DNAH17: variants seen among roughly 807,000 people sequenced by gnomAD.
The protein encoded by DNAH17 is axonemal beta dynein heavy chain 17.
DNAH17 carries 376 observed loss-of-function variants against 485.6 expected under a neutral mutation model. The observed-to-expected ratio is 0.77, with a 90% CI of 0.71 to 0.84. The LOEUF is 0.84. Ranked by LOEUF, DNAH17 falls within the 40% of genes least tolerant of loss-of-function variation. The pLI, the probability that DNAH17 is intolerant of heterozygous loss-of-function variation, is 0.00. For synonymous variants in DNAH17, 3,031 were observed against 2,405.9 expected (o/e 1.26, Z -7.60); for missense variants, 6,370 against 5,839.3 (o/e 1.09, Z -2.96).
rs1035588140 is a variant in DNAH17 at position 78,571,576 on chromosome 17, A to G, written c.732+14T>C. 7 of 1,613,124 alleles carry G rather than the reference A, an allele frequency of 4.3e-6. No individual in the cohort carries two copies. Among genetic ancestry groups the G allele is most frequent in the African/African-American group, 1.3e-5 (1 of 74,868 alleles). On this transcript the variant is annotated intron_variant, in intron 4 of 80. Coordinates refer to ENST00000389840, the MANE Select transcript of DNAH17 (RefSeq NM_173628.4). ...GGACGAGGCTGCAGCCCCACAGGAG[A>G]GAGGAGGCCGTACCTGTTCATGGAT...
At chr17:78,492,810 C>G in intron 41 of DNAH17, 45 bp from the exon 42 acceptor site, 1 of 1,590,262 alleles carries the variant, frequency 6.3e-7, no homozygotes, top group Non-Finnish European at 8.6e-7. Context: ...ATGTTCCTGG[C>G]ACATCCTGCC....
chr17:78,553,133 G>A (rs911897127), intron 14 of DNAH17, among the ~76,000 whole-genome samples: 12 of 152,100 alleles, frequency 7.9e-5, no homozygotes, highest in Admixed American at 2.0e-4. Flanking sequence ...GCCAAGTGAT[G>A]TGCCTGCTTC....
rs374748893 is a variant in DNAH17, at chr17:78,430,234, C to T, written c.12226-934G>A. On this transcript the variant is annotated intron_variant, in intron 75 of 80. Coordinates refer to ENST00000389840, the MANE Select transcript of DNAH17 (RefSeq NM_173628.4). Reference sequence around the variant, plus strand: ...TTCAGCAGAAGGACGGTGGGAGCCACGGATTGAGGCCACATGTGTCATTTT... The same window carrying T: ...TTCAGCAGAAGGACGGTGGGAGCCATGGATTGAGGCCACATGTGTCATTTT... Among the ~76,000 whole-genome samples, 20 of 152,266 alleles carry T rather than the reference C, an allele frequency of 1.3e-4. No individual in the cohort carries two copies. In the East Asian group the frequency reaches 3.5e-3, roughly 26 times the overall value.
rs187173395 is a variant in DNAH17, at chr17:78,486,528, G to A, written c.6819-22C>T. 3.9e-4 allele frequency: 613 copies of A among 1,582,412 alleles called. 4 individuals carry two copies. In the African/African-American group the frequency reaches 7.6e-3, roughly 20 times the overall value. On this transcript the variant is annotated intron_variant, in intron 44 of 80. Transcript: ENST00000389840. The stretch of plus-strand genomic sequence containing the variant: ...CACCCTGGGGGTGACAGGAGGCGCC[G>A]ATGACACAGCCGCTGCTCTGGGTCT...
intron 34 of DNAH17, 46 bp from the exon 35 acceptor site, chr17:78,501,390 C>T (rs758047579): frequency 6.5e-7 from 1 of 1,547,616 alleles, no homozygotes; most frequent in Non-Finnish European, 8.8e-7. Flanking sequence ...AATACAAGAG[C>T]TAGGGCTGCC....
chr17:78,554,808 G>C (rs768242040), intron 14 of DNAH17, among the ~76,000 whole-genome samples: 4 of 152,168 alleles, frequency 2.6e-5, no homozygotes, highest in Non-Finnish European at 5.9e-5. Context: ...GTGCAGTGGC[G>C]TGATCTTGGC....
At chr17:78,439,718 G>A (rs1267362728) in intron 72 of DNAH17, among the ~76,000 whole-genome samples, 5 of 130,002 alleles carry the variant, frequency 3.8e-5, no homozygotes, top group Admixed American at 1.0e-4. Context: ...CGCCCAGGCT[G>A]GAGTGCAGTG....
intron 16 of DNAH17, among the ~76,000 whole-genome samples, chr17:78,546,824 T>C (rs1039798843): frequency 6.6e-6 from 1 of 152,152 alleles, no homozygotes; most frequent in African/African-American, 2.4e-5. Flanking sequence ...GAGAATCGCT[T>C]GAACCCAGAG....
chr17:78,464,884 G>T (rs1157005384), intron 56 of DNAH17, among the ~76,000 whole-genome samples: 1 of 152,334 alleles, frequency 6.6e-6, no homozygotes, highest in African/African-American at 2.4e-5. Context: ...CTGATGATTT[G>T]TTCATCATGA....
intron 44 of DNAH17, among the ~76,000 whole-genome samples, chr17:78,488,734 T>A (rs2089720705): frequency 6.6e-6 from 1 of 152,096 alleles, no homozygotes; most frequent in African/African-American, 2.4e-5. Context: ...TGAGACAAGA[T>A]CATCCTGGAT....
intron 37 of DNAH17, 23 bp from the exon 38 acceptor site, chr17:78,496,055 A>G (rs1325926723): frequency 5.0e-6 from 8 of 1,602,642 alleles, no homozygotes; most frequent in Admixed American, 3.4e-5. Flanking sequence ...TGACACAGAC[A>G]TGTTAGCATG....
At chr17:78,429,854 T>C (rs569380190) in intron 75 of DNAH17, among the ~76,000 whole-genome samples, 90 of 152,270 alleles carry the variant, frequency 5.9e-4, no homozygotes, top group African/African-American at 2.0e-3. Context: ...CCTGTGGAAG[T>C]AGAGTCCTTC....
chr17:78,486,451 T>C lies in DNAH17; in HGVS notation c.6874A>G (p.Met2292Val), dbSNP rs1465753386. The C allele has an allele frequency of 6.2e-7, 1 of 1,613,496 alleles. No homozygotes were observed. Among genetic ancestry groups the C allele is most frequent in the Non-Finnish European group, 8.5e-7 (1 of 1,179,850 alleles). The change falls in exon 45 of 81, where the codon ATG becomes GTG. Residue 2292 changes from methionine (M) to valine (V), a missense_variant. Coordinates refer to ENST00000389840, the MANE Select transcript of DNAH17 (RefSeq NM_173628.4). ...RKVQSEKANL[M>V]ILFDKYLPTC... ...GGCAGGTACTTGTCAAAGAGGATCA[T>C]CAGGTTGGCCTTCTCCGACTGCACC...
intron 1 of DNAH17, among the ~76,000 whole-genome samples, chr17:78,576,607 C>T (rs1252521916): frequency 6.6e-6 from 1 of 152,142 alleles, no homozygotes; most frequent in Non-Finnish European, 1.5e-5. Context: ...GTCACGTCGT[C>T]ATTTCCTAGG....
chr17:78,537,442 C>T lies in DNAH17; in HGVS notation c.2716G>A (p.Asp906Asn). Reference protein sequence around the residue: ...APLFEIRMELDEDGLTFNPTL... With the variant: ...APLFEIRMELNEDGLTFNPTL... Reference sequence around the variant, plus strand: ...GGGTTGAAGGTCAGCCCATCCTCGTCCAGCTCCATGCGGATCTCAAACAGG... The same window carrying T: ...GGGTTGAAGGTCAGCCCATCCTCGTTCAGCTCCATGCGGATCTCAAACAGG... Residue 906 changes from aspartate (D) to asparagine (N), a missense_variant, in exon 19 of 81, where the codon GAC (aspartate) becomes AAC (asparagine). Asp to Asn is a conservative substitution (Grantham distance 23). Transcript: ENST00000389840. 3 of 1,613,456 alleles carry T rather than the reference C, an allele frequency of 1.9e-6. No individual in the cohort carries two copies. The highest frequency in any genetic ancestry group is 2.5e-6 in the Non-Finnish European group (3 of 1,179,866).
intron 58 of DNAH17, among the ~76,000 whole-genome samples, chr17:78,460,619 C>T (rs76836979): frequency 0.04 from 6,025 of 152,230 alleles, 149 homozygotes; most frequent in Non-Finnish European, 0.062. Flanking sequence ...TCCTCCCTGA[C>T]GCCTCTACTC....
At chr17:78,569,296 G>A (rs1264442654) in intron 8 of DNAH17, 44 bp from the exon 9 acceptor site, 2 of 1,597,436 alleles carry the variant, frequency 1.3e-6, no homozygotes, top group East Asian at 2.3e-5. Context: ...TGCTTCAAAT[G>A]TCCCAAGTTT....
rs1307205269 is a variant in DNAH17 at position 78,495,926 on chromosome 17, G to T, written c.5852C>A (p.Pro1951His). The T allele has an allele frequency of 6.2e-7, 1 of 1,613,954 alleles. No individual in the cohort carries two copies. Among genetic ancestry groups the T allele is most frequent in the South Asian group, 1.1e-5 (1 of 91,090 alleles). Residue 1951 changes from proline to histidine, a missense_variant, in exon 38 of 81, where the codon CCT becomes CAT. By Grantham distance (77) the Pro-to-His change is moderately conservative. Transcript: ENST00000389840. ...CAGCTCCGCGCGTCCGGCGTACCCA[G>T]GGTTCATGGTGATGAAGATACCGAC... ...PTVGIFITMN[P>H]GYAGRAELPE...
chr17:78,457,892 C>T (rs2087888246), intron 62 of DNAH17, among the ~76,000 whole-genome samples: 2 of 152,270 alleles, frequency 1.3e-5, no homozygotes, highest in East Asian at 3.9e-4. Flanking sequence ...AACCCCTGTT[C>T]TCAGGTGATC....
Sources: allele counts gnomAD v4.1 joint callset (sites outside exome capture counted in the v4.1 genomes callset), GRCh38; gene constraint gnomAD v4.1.1; transcripts MANE v1.5; gene names NCBI Gene and HGNC (gene_info 2026-07-23, HGNC 2026-07-21).